The following ZNF652 variants were observed in gnomAD, a reference collection of about 807,000 sequenced individuals.
ZNF652 encodes the protein zinc finger protein 652.
Under a neutral mutation model 45.2 loss-of-function variants are expected in ZNF652, and 16 were observed. The ratio of observed to expected loss-of-function variants is 0.35; its 90% CI spans 0.24 to 0.54. The LOEUF (loss-of-function observed/expected upper bound fraction) is 0.54. Ranked by LOEUF, ZNF652 falls within the 20% of genes least tolerant of loss-of-function variation. The pLI is 0.91. For synonymous variants in ZNF652, 250 were observed against 260.6 expected, an observed-to-expected ratio of 0.96 and a Z score of 0.39; for missense variants, 614 against 765.6, an observed-to-expected ratio of 0.80 and a Z score of 2.34.
intron 5 of ZNF652, among the ~76,000 whole-genome samples, chr17:49,306,122 G>A (rs2069625476): frequency 6.6e-6 from 1 of 152,180 alleles, no homozygotes; most frequent in African/African-American, 2.4e-5. Flanking sequence ...GACTGGCAGA[G>A]CCAGGTTTGT....
At chr17:49,339,880 C>T (rs550707025) in intron 1 of ZNF652, among the ~76,000 whole-genome samples, 3 of 152,290 alleles carry the variant, frequency 2.0e-5, no homozygotes, top group African/African-American at 7.2e-5. Flanking sequence ...ACAACAGGCA[C>T]ATGCCACCAC....
At chr17:49,331,086 A>G (rs936718658) in intron 1 of ZNF652, among the ~76,000 whole-genome samples, 1 of 150,824 alleles carries the variant, frequency 6.6e-6, no homozygotes, top group African/African-American at 2.4e-5. Context: ...AAAAAAGAAA[A>G]AAGAGAAAGA....
At chr17:49,351,016 C>T (rs9910642) in intron 1 of ZNF652, among the ~76,000 whole-genome samples, 3,307 of 17,656 alleles carry the variant, frequency 0.19, 101 homozygotes, top group Non-Finnish European at 0.2. Context: ...TATATATATA[C>T]ACACACACAC....
intron 1 of ZNF652, among the ~76,000 whole-genome samples, chr17:49,348,441 G>A (rs1367129543): frequency 6.8e-6 from 1 of 146,092 alleles, no homozygotes; most frequent in Non-Finnish European, 1.5e-5. Context: ...AGCCAAGACT[G>A]AGCCTCAGGC....
At chr17:49,354,116 AAATTC>A (rs2070309505) in intron 1 of ZNF652, among the ~76,000 whole-genome samples, 1 of 152,186 alleles carries the variant, frequency 6.6e-6, no homozygotes, top group East Asian at 1.9e-4. Flanking sequence ...CAGCCATATG[AAATTC>A]AATAATTTCT....
rs544248294 is a variant in ZNF652 at position 49,322,957 on chromosome 17, T to TG, written c.-258-4975dup. On this transcript the variant is annotated intron_variant, in intron 1 of 5. Transcript: ENST00000430262. ...TTCAGTGAATCAATCATTTTGCCGA[T>TG]GGGGGGTCTTGCTTCAATGTTGATG... Among the ~76,000 whole-genome samples, 322 of 152,288 alleles carry TG rather than the reference T, an allele frequency of 2.1e-3. 2 individuals carry two copies. The highest frequency in any genetic ancestry group is 7.4e-3 in the African/African-American group (308 of 41,572).
At chr17:49,302,412 C>T (rs947143281) in intron 5 of ZNF652, among the ~76,000 whole-genome samples, 7 of 150,800 alleles carry the variant, frequency 4.6e-5, no homozygotes, top group African/African-American at 1.7e-4. Flanking sequence ...CCTCAGCCTC[C>T]CAAGTAGCTG....
At chr17:49,358,300 T>G (rs1190133742) in intron 1 of ZNF652, among the ~76,000 whole-genome samples, 1 of 152,182 alleles carries the variant, frequency 6.6e-6, no homozygotes, top group East Asian at 1.9e-4. Flanking sequence ...CCAGTTCACC[T>G]CTATCGAAGT....
chr17:49,319,667 G>A lies in ZNF652; in HGVS notation c.-258-1684C>T, dbSNP rs565219686. 3.6e-4 allele frequency among the ~76,000 whole-genome samples: 52 copies of A among 144,462 alleles called. 1 individual carries two copies. Among genetic ancestry groups the A allele is most frequent in the African/African-American group, 1.3e-3 (49 of 39,174 alleles). The allele number at this position is 144,462 out of a possible 152,430, so 94.8% of individuals were successfully genotyped here. On this transcript the variant is annotated intron_variant, in intron 1 of 5. Transcript: ENST00000430262. Reference sequence around the variant, plus strand: ...AAAAAAAAAAAAAAAAAAAAGACAGGGTCTCACTCCATTGCCTAGGCTGGA... The same window carrying A: ...AAAAAAAAAAAAAAAAAAAAGACAGAGTCTCACTCCATTGCCTAGGCTGGA...
At chr17:49,336,604 C>T (rs576912223) in intron 1 of ZNF652, among the ~76,000 whole-genome samples, 6 of 151,482 alleles carry the variant, frequency 4.0e-5, no homozygotes, top group South Asian at 2.1e-4. Flanking sequence ...GCTGGGATTA[C>T]GTGAGCCACG....
intron 1 of ZNF652, among the ~76,000 whole-genome samples, chr17:49,347,972 C>G (rs2070224450): frequency 6.6e-6 from 1 of 151,934 alleles, no homozygotes; most frequent in Non-Finnish European, 1.5e-5. Context: ...TCTCAAACTC[C>G]TGGCCTCAAA....
At chr17:49,351,008 TATATATAC>T (rs1250182901) in intron 1 of ZNF652, among the ~76,000 whole-genome samples, 10 of 18,458 alleles carry the variant, frequency 5.4e-4, no homozygotes, top group African/African-American at 1.4e-3. Context: ...TATATATATA[TATATATAC>T]ACACACACAC....
chr17:49,306,936 TAG>T (rs912772652), intron 5 of ZNF652, among the ~76,000 whole-genome samples: 15 of 151,848 alleles, frequency 9.9e-5, no homozygotes, highest in African/African-American at 3.6e-4. Flanking sequence ...GTATTTTTAG[TAG>T]AGACAGGTTC....
At chr17:49,354,185 G>C (rs113428130) in intron 1 of ZNF652, among the ~76,000 whole-genome samples, 3,928 of 151,922 alleles carry the variant, frequency 0.026, 158 homozygotes, top group African/African-American at 0.086. Context: ...CTTAGCAATA[G>C]TTTCTTATTA....
Position 49,317,633 on chromosome 17 carries a change from T to C in ZNF652, c.93A>G (p.Gln31=), listed in dbSNP as rs552871895. 2.5e-5 allele frequency: 40 copies of C among 1,613,958 alleles called. No individual in the cohort carries two copies. The highest frequency in any genetic ancestry group is 3.3e-5 in the Non-Finnish European group (39 of 1,179,936). The part of the protein sequence containing the change: ...GMAQEDSRRG[Q]VPSSFYHGAN... ...CACCATGATAAAAGGAAGATGGCAC[T>C]TGACCACGACGGCTATCTTCTTGTG... Residue 31 remains glutamine (Q), a synonymous_variant, in exon 2 of 6, where the codon CAA becomes CAG. Coordinates refer to ENST00000430262, the MANE Select transcript of ZNF652 (RefSeq NM_001145365.3).
At chr17:49,352,506 C>T (rs550782893) in intron 1 of ZNF652, among the ~76,000 whole-genome samples, 1 of 152,282 alleles carries the variant, frequency 6.6e-6, no homozygotes, top group African/African-American at 2.4e-5. Context: ...TTAACAGTAT[C>T]AGCTGCTGAC....
rs1309395478 is a variant in ZNF652 at position 49,297,664 on chromosome 17, G to C, written c.*749C>G. 1 of 152,592 alleles carries C rather than the reference G, an allele frequency of 6.6e-6. No individual in the cohort carries two copies. The highest frequency in any genetic ancestry group is 6.5e-5 in the Admixed American group (1 of 15,270). The allele number at this position is 152,592 out of a possible 1,614,324, so 9.5% of individuals were successfully genotyped here. A position where few individuals can be genotyped will look rare whatever the true frequency, so the allele number is the denominator to read the frequency against. On this transcript the variant is annotated 3_prime_UTR_variant, in exon 6 of 6. Transcript: ENST00000430262. ...CACCTTTTGAGTTGTACGGATGTAA[G>C]AATAGCTTTGAATTATAGAAGTTAT... is the stretch of plus-strand genomic sequence containing the variant.
chr17:49,324,621 C>G (rs1408437085), intron 1 of ZNF652, among the ~76,000 whole-genome samples: 1 of 151,880 alleles, frequency 6.6e-6, no homozygotes, highest in Non-Finnish European at 1.5e-5. Flanking sequence ...AACTCCTGAC[C>G]TCAGGTGATC....
At chr17:49,326,320 A>G (rs1342029108) in intron 1 of ZNF652, among the ~76,000 whole-genome samples, 4 of 151,986 alleles carry the variant, frequency 2.6e-5, no homozygotes, top group Admixed American at 6.6e-5. Context: ...CTGACAGGAG[A>G]CAAGCAAAAA....
Sources: gnomAD v4.1 joint callset for allele counts (sites outside exome capture counted in the v4.1 genomes callset) on GRCh38, gnomAD v4.1.1 for gene constraint, MANE v1.5 for transcripts, NCBI Gene and HGNC (gene_info 2026-07-23, HGNC 2026-07-21) for gene names.